The following SORL1 variants were observed in gnomAD, a reference collection of about 807,000 sequenced individuals.
SORL1 encodes sortilin-related receptor.
SORL1 carries 127 observed loss-of-function variants against 273.7 expected under a neutral mutation model. That is an observed-to-expected ratio of 0.46 (90% CI 0.40 to 0.54). SORL1 has a LOEUF of 0.54. Among genes scored for constraint, SORL1 ranks in the 20% least tolerant of loss-of-function variants. The pLI, the probability that SORL1 is intolerant of heterozygous loss-of-function variation, is 0.00. For synonymous variants in SORL1, 1,031 were observed against 1,067.4 expected (o/e 0.97, Z 0.66); for missense variants, 2,494 against 2,846.1 (o/e 0.88, Z 2.81).
chr11:121,478,440 G>C (rs967317508), intron 3 of SORL1, among the ~76,000 whole-genome samples, 197 bp downstream of exon 3: 1 of 152,208 alleles, frequency 6.6e-6, no homozygotes, highest in Non-Finnish European at 1.5e-5. Context: ...CAATCAGGCA[G>C]GCCAAGGACT....
At chr11:121,474,881 G>C (rs963073254) in intron 2 of SORL1, among the ~76,000 whole-genome samples, 1 of 152,234 alleles carries the variant, frequency 6.6e-6, no homozygotes, top group African/African-American at 2.4e-5. Flanking sequence ...TGTTCAATGT[G>C]GGGGAAGATA....
chr11:121,605,199 A>G lies in SORL1; in HGVS notation c.4738A>G (p.Lys1580Glu). The change falls in exon 34 of 48, where the codon AAA becomes GAA. Residue 1580 changes from lysine (K) to glutamate (E), a missense_variant. By Grantham distance (56) the Lys-to-Glu change is moderately conservative. Transcript: ENST00000260197. ...GACTTTGACCTGGATGAGGCCCAAA[A>G]AAATGCCCTCTGCTTCTTGTGTATA... ...DVTLTWMRPK[K>E]MPSASCVYNV... 1 of 1,614,044 alleles carries G rather than the reference A, an allele frequency of 6.2e-7. No homozygotes were observed. Among genetic ancestry groups the G allele is most frequent in the Non-Finnish European group, 8.5e-7 (1 of 1,179,930 alleles).
chr11:121,509,378 C>T (rs941345802), intron 6 of SORL1, among the ~76,000 whole-genome samples: 3 of 152,182 alleles, frequency 2.0e-5, no homozygotes, highest in Admixed American at 1.3e-4. Context: ...CTTTACTCCT[C>T]TTTTCTCCTT....
chr11:121,581,104 T>A (rs1790211), intron 25 of SORL1, among the ~76,000 whole-genome samples: 1 of 151,880 alleles, frequency 6.6e-6, no homozygotes, highest in Non-Finnish European at 1.5e-5. Flanking sequence ...TAGAGATGAG[T>A]TTTTACCATG....
At chr11:121,483,880 T>G (rs1228939165) in intron 3 of SORL1, among the ~76,000 whole-genome samples, 1 of 152,134 alleles carries the variant, frequency 6.6e-6, no homozygotes, top group Non-Finnish European at 1.5e-5. Flanking sequence ...AGCCAAGTCT[T>G]CATGGGGTAC....
chr11:121,531,907 A>G (rs1180561453), intron 11 of SORL1, among the ~76,000 whole-genome samples: 5 of 152,186 alleles, frequency 3.3e-5, no homozygotes, highest in Non-Finnish European at 7.3e-5. Flanking sequence ...ACTGAGGTGC[A>G]CCCCATGACT....
chr11:121,585,840 T>C (rs1863095750), intron 26 of SORL1, among the ~76,000 whole-genome samples: 1 of 152,182 alleles, frequency 6.6e-6, no homozygotes, highest in Non-Finnish European at 1.5e-5. Flanking sequence ...TAGCTGTCTG[T>C]GTTCCAGTGT....
intron 37 of SORL1, 80 bp from the exon 38 acceptor site, chr11:121,608,024 T>C: frequency 7.7e-7 from 1 of 1,295,666 alleles, no homozygotes; most frequent in East Asian, 2.3e-5. Context: ...CTCACCCCTT[T>C]AGCTCATTCA....
At chr11:121,504,917 T>C (rs1251852282) in intron 6 of SORL1, among the ~76,000 whole-genome samples, 2 of 152,178 alleles carry the variant, frequency 1.3e-5, no homozygotes, top group African/African-American at 4.8e-5. Context: ...TGGGATTTTG[T>C]CAGTGCTTTT....
intron 5 of SORL1, among the ~76,000 whole-genome samples, chr11:121,495,290 T>C (rs1861612421): frequency 6.6e-6 from 1 of 152,170 alleles, no homozygotes; most frequent in Non-Finnish European, 1.5e-5. Context: ...CTCACTATGT[T>C]GCCCAGGCTG....
intron 20 of SORL1, 147 bp downstream of exon 20, chr11:121,558,984 G>A (rs1862634060): frequency 9.6e-7 from 1 of 1,040,680 alleles, no homozygotes; most frequent in Admixed American, 2.7e-5. Context: ...CTTATTTTCA[G>A]CCTATGGAGG....
rs1046597609 is a variant in SORL1, at chr11:121,604,344, C to T, written c.4651+20C>T. The T allele has an allele frequency of 5.2e-6, 8 of 1,527,182 alleles. No individual in the cohort carries two copies. The highest frequency in any genetic ancestry group is 6.3e-6 in the Non-Finnish European group (7 of 1,114,600). 94.6% of individuals were successfully genotyped at this position (1,527,182 alleles called of 1,614,324 possible). A position where few individuals can be genotyped will look rare whatever the true frequency, so the allele number is the denominator to read the frequency against. Reference sequence around the variant, plus strand: ...GCAGTGGTGAGTGCCGGTCCACGGGCTGGGCTGGGCTGGGCTGGGCTGGGA... The same window carrying T: ...GCAGTGGTGAGTGCCGGTCCACGGGTTGGGCTGGGCTGGGCTGGGCTGGGA... On this transcript the variant is annotated intron_variant, in intron 33 of 47. Coordinates refer to ENST00000260197, the MANE Select transcript of SORL1 (RefSeq NM_003105.6).
rs927767229 is a variant in SORL1, at chr11:121,574,377, A to G, written c.3460+14A>G. Reference sequence around the variant, plus strand: ...AAAGTCATTGTGGTAAGGGGACATCACATCCTGAAACCCTGCTCTGGAGAG... The same window carrying G: ...AAAGTCATTGTGGTAAGGGGACATCGCATCCTGAAACCCTGCTCTGGAGAG... On this transcript the variant is annotated intron_variant, in intron 24 of 47. Transcript: ENST00000260197. 3 of 1,611,486 alleles carry G rather than the reference A, an allele frequency of 1.9e-6. No homozygotes were observed. Among genetic ancestry groups the G allele is most frequent in the Non-Finnish European group, 8.5e-7 (1 of 1,177,944 alleles).
chr11:121,511,012 TTACAA>T lies in SORL1; in HGVS notation c.940-1986_940-1982del, dbSNP rs147320656. ...GTTTATTAAGAAAAATCTCAGAGCCTTACAATACATCTTATAATCACTAGTGTGCC... is the reference window on the plus strand; with the variant it reads ...GTTTATTAAGAAAAATCTCAGAGCCTTACATCTTATAATCACTAGTGTGCC... On this transcript the variant is annotated intron_variant, in intron 6 of 47. Coordinates refer to ENST00000260197, the MANE Select transcript of SORL1 (RefSeq NM_003105.6). 3.0e-3 allele frequency among the ~76,000 whole-genome samples: 464 copies of T among 152,280 alleles called. 6 individuals are homozygous for T. Among genetic ancestry groups the T allele is most frequent in the African/African-American group, 0.011 (443 of 41,532 alleles).
At chr11:121,590,263 C>G (rs757917966) in intron 30 of SORL1, 89 bp downstream of exon 30, 2 of 1,379,982 alleles carry the variant, frequency 1.4e-6, no homozygotes, top group Non-Finnish European at 2.0e-6. Context: ...CTGGCTGATT[C>G]CGTGTTTTGG....
At chr11:121,454,283 G>C (rs1860864944) in intron 1 of SORL1, among the ~76,000 whole-genome samples, 1 of 152,264 alleles carries the variant, frequency 6.6e-6, no homozygotes, top group South Asian at 2.1e-4. Flanking sequence ...CTGGGAGTTG[G>C]GGGCTGGTGG....
At chr11:121,539,489 T>C (rs796335115) in intron 12 of SORL1, among the ~76,000 whole-genome samples, 83 of 152,380 alleles carry the variant, frequency 5.4e-4, no homozygotes, top group African/African-American at 1.9e-3. Context: ...AATCATCCTA[T>C]CTTTAAGTCT....
chr11:121,466,135 C>T (rs927573257), intron 1 of SORL1, among the ~76,000 whole-genome samples: 6 of 152,142 alleles, frequency 3.9e-5, no homozygotes, highest in Non-Finnish European at 5.9e-5. Flanking sequence ...TTAACAGCTC[C>T]AATTAATTGT....
chr11:121,506,961 A>C (rs1565318489), intron 6 of SORL1, among the ~76,000 whole-genome samples: 1 of 152,000 alleles, frequency 6.6e-6, no homozygotes. Flanking sequence ...CTTTCACTAA[A>C]TTTTTCCCAG....
Sources: gnomAD v4.1 joint callset for allele counts (sites outside exome capture counted in the v4.1 genomes callset) on GRCh38, gnomAD v4.1.1 for gene constraint, MANE v1.5 for transcripts, NCBI Gene and HGNC (gene_info 2026-07-23, HGNC 2026-07-21) for gene names.